The following AP1B1 variants were observed in gnomAD, a reference collection of about 807,000 sequenced individuals.
The protein encoded by AP1B1 is AP-1 complex subunit beta-1.
In AP1B1, 36 loss-of-function variants were observed where a neutral mutation model predicts 104.3. That is an observed-to-expected ratio of 0.35 (90% confidence interval 0.26 to 0.46). The LOEUF (loss-of-function observed/expected upper bound fraction) is 0.46. Among genes scored for constraint, AP1B1 ranks in the 20% least tolerant of loss-of-function variants. The pLI, the probability that AP1B1 is intolerant of heterozygous loss-of-function variation, is 1.00. For missense variants in AP1B1, 901 were observed against 1,247.9 expected (o/e 0.72, Z 4.19); for synonymous variants, 504 against 517.5 (o/e 0.97, Z 0.35).
intron 14 of AP1B1, 97 bp from the exon 15 acceptor site, chr22:29,339,871 G>T: frequency 7.4e-7 from 1 of 1,348,354 alleles, no homozygotes; most frequent in African/African-American, 1.5e-5. Context: ...AGAAGGGAAA[G>T]AGGGAGATTA....
chr22:29,330,559 C>T (rs1448842122), intron 20 of AP1B1, 27 bp from the exon 21 acceptor site: 14 of 1,610,364 alleles, frequency 8.7e-6, no homozygotes, highest in Non-Finnish European at 1.2e-5. Context: ...CCGTGAGAGG[C>T]CCCAGTCAGC....
chr22:29,372,013 C>T (rs989915911), intron 1 of AP1B1, among the ~76,000 whole-genome samples: 5 of 152,170 alleles, frequency 3.3e-5, no homozygotes, highest in African/African-American at 1.2e-4. Context: ...CTTGAGGAGC[C>T]AGTGTGGCTG....
intron 1 of AP1B1, among the ~76,000 whole-genome samples, chr22:29,375,311 T>C (rs1206479746): frequency 3.2e-5 from 4 of 126,738 alleles, no homozygotes; most frequent in African/African-American, 9.6e-5. Flanking sequence ...GACTGTGCCA[T>C]TGCACTCCAG....
chr22:29,367,594 C>T (rs1476392901), intron 1 of AP1B1, among the ~76,000 whole-genome samples: 3 of 151,456 alleles, frequency 2.0e-5, no homozygotes, highest in African/African-American at 7.3e-5. Context: ...GCCACCACAC[C>T]TGATCCCATC....
At chr22:29,382,199 G>A (rs775859806) in intron 1 of AP1B1, among the ~76,000 whole-genome samples, 1 of 151,932 alleles carries the variant, frequency 6.6e-6, no homozygotes, top group African/African-American at 2.4e-5. Flanking sequence ...GACTACAGGC[G>A]TGTGCCATGC....
chr22:29,372,336 A>G (rs183276834), intron 1 of AP1B1, among the ~76,000 whole-genome samples: 1 of 151,882 alleles, frequency 6.6e-6, no homozygotes, highest in Non-Finnish European at 1.5e-5. Context: ...AGGTAGGGGA[A>G]TCACTTGAAC....
In AP1B1 at chr22:29,330,501, GTTGCTGCTCTGCAGC is replaced by G; in HGVS notation, c.2628_2642del (p.Lys876_Ser880del). The G allele has an allele frequency of 6.2e-7, 1 of 1,612,344 alleles. No individual in the cohort carries two copies. The highest frequency in any genetic ancestry group is 8.5e-7 in the Non-Finnish European group (1 of 1,178,558). On this transcript the variant is annotated inframe_deletion, in exon 21 of 23. Coordinates refer to ENST00000357586, the MANE Select transcript of AP1B1 (RefSeq NM_001127.4). ...CGTTCCTCTTGGCGACAGTGAAGAT[GTTGCTGCTCTGCAGC>G]TTGCTGCTCGCAGCCTCTGTGGGGT...
At chr22:29,381,797 G>T (rs1184834827) in intron 1 of AP1B1, among the ~76,000 whole-genome samples, 1 of 151,856 alleles carries the variant, frequency 6.6e-6, no homozygotes, top group South Asian at 2.1e-4. Context: ...GAAGGTGGGG[G>T]GCTCTGGCAC....
chr22:29,339,727 C>G (rs2061686868), intron 15 of AP1B1, 27 bp downstream of exon 15: 1 of 1,608,616 alleles, frequency 6.2e-7, no homozygotes, highest in Non-Finnish European at 8.5e-7. Context: ...AGGACGAAGG[C>G]TTGGTGACGC....
chr22:29,363,047 C>A lies in AP1B1; in HGVS notation c.97G>T (p.Ala33Ser). The A allele has an allele frequency of 6.2e-7, 1 of 1,604,240 alleles. No individual in the cohort carries two copies. The highest frequency in any genetic ancestry group is 8.5e-7 in the Non-Finnish European group (1 of 1,171,058). Residue 33 changes from alanine to serine, a missense_variant, in exon 3 of 23, where the codon GCA (alanine) becomes TCA (serine). By Grantham distance (99) the Ala-to-Ser change is moderately conservative. Transcript: ENST00000357586. ...ATCGATGCAATCACTTTCTTCACTG[C>A]CTCCTTCTTCTTCTCCTTCTTGTCA... ...NSDKKEKKKE[A>S]VKKVIASMTV...
At chr22:29,366,676 G>A (rs1460471856) in intron 2 of AP1B1, among the ~76,000 whole-genome samples, 1 of 151,984 alleles carries the variant, frequency 6.6e-6, no homozygotes, top group Non-Finnish European at 1.5e-5. Flanking sequence ...GCGGGCGCAT[G>A]TAATCCCAGC....
chr22:29,352,188 T>A (rs531192946), intron 7 of AP1B1, among the ~76,000 whole-genome samples: 2 of 152,368 alleles, frequency 1.3e-5, no homozygotes, highest in Non-Finnish European at 2.9e-5. Context: ...GAAATGGGAA[T>A]GACGCTGTAC....
chr22:29,368,552 A>G (rs1300816416), intron 1 of AP1B1, among the ~76,000 whole-genome samples: 2 of 152,210 alleles, frequency 1.3e-5, no homozygotes, highest in Non-Finnish European at 2.9e-5. Context: ...CAATAATGTA[A>G]CTGCTTTGAA....
At position 29,351,832 on chromosome 22, in the gene AP1B1, G is replaced by A. The variant is rs2061879901; in HGVS notation, c.939-7C>T. The A allele has an allele frequency of 6.2e-7, 1 of 1,614,070 alleles. No individual in the cohort carries two copies. The highest frequency in any genetic ancestry group is 1.3e-5 in the African/African-American group (1 of 75,052). ...ATGCTTCAGGATCTCAGGCCTGGTG[G>A]TGGGGCAGGATGCCCGGAGAGCAAA... On this transcript the variant is annotated splice_region_variant and splice_polypyrimidine_tract_variant and intron_variant, in intron 7 of 22. Coordinates refer to ENST00000357586, the MANE Select transcript of AP1B1 (RefSeq NM_001127.4).
intron 1 of AP1B1, among the ~76,000 whole-genome samples, chr22:29,384,731 G>A (rs2062494096): frequency 6.6e-6 from 1 of 152,100 alleles, no homozygotes. Flanking sequence ...AGCCAAACAT[G>A]GTGGCAGGTG....
intron 1 of AP1B1, among the ~76,000 whole-genome samples, chr22:29,372,259 C>A (rs1287867446): frequency 6.6e-6 from 1 of 151,702 alleles, no homozygotes; most frequent in Non-Finnish European, 1.5e-5. Context: ...CCCATCTCTA[C>A]TAAAAATACA....
chr22:29,327,849 TC>T lies in AP1B1; in HGVS notation c.*971del, dbSNP rs1279841852. ...ACATTCGGTGGAGGGGAAAAAAGTG[TC>T]CGTGATTGCCAAAAGCCGAATCTTT... On this transcript the variant is annotated 3_prime_UTR_variant, in exon 23 of 23. Coordinates refer to ENST00000357586, the MANE Select transcript of AP1B1 (RefSeq NM_001127.4). 1.3e-5 allele frequency: 2 copies of T among 152,078 alleles called. No individual in the cohort carries two copies. Among genetic ancestry groups the T allele is most frequent in the East Asian group, 3.9e-4 (2 of 5,192 alleles). 9.4% of individuals were successfully genotyped at this position (152,078 alleles called of 1,614,324 possible).
At chr22:29,376,082 TAAG>T (rs1188148588) in intron 1 of AP1B1, among the ~76,000 whole-genome samples, 2 of 152,200 alleles carry the variant, frequency 1.3e-5, no homozygotes, top group African/African-American at 4.8e-5. Flanking sequence ...ATGATCATTC[TAAG>T]AACATGACAT....
At chr22:29,369,682 G>A (rs1179853088) in intron 1 of AP1B1, among the ~76,000 whole-genome samples, 1 of 152,162 alleles carries the variant, frequency 6.6e-6, no homozygotes, top group Non-Finnish European at 1.5e-5. Flanking sequence ...GCCTGGCCCA[G>A]GCCCGGCACA....
Sources: gnomAD v4.1 joint callset for allele counts (sites outside exome capture counted in the v4.1 genomes callset) on GRCh38, gnomAD v4.1.1 for gene constraint, MANE v1.5 for transcripts, NCBI Gene and HGNC (gene_info 2026-07-23, HGNC 2026-07-21) for gene names.